EXOC5: variants seen among roughly 807,000 people sequenced by gnomAD.
EXOC5 encodes the protein SEC10-like 1.
EXOC5 carries 17 observed loss-of-function variants against 90.8 expected under a neutral mutation model. The ratio of observed to expected loss-of-function variants is 0.19; its 90% CI spans 0.13 to 0.28. The LOEUF (loss-of-function observed/expected upper bound fraction) is 0.28, where lower values mean the gene tolerates loss of function less well. Among genes scored for constraint, EXOC5 ranks in the 10% least tolerant of loss-of-function variants. EXOC5 has a pLI of 1.00. For missense variants in EXOC5, 569 were observed against 830.6 expected (o/e 0.69, Z 3.87); for synonymous variants, 260 against 270.0 (o/e 0.96, Z 0.36).
intron 1 of EXOC5, among the ~76,000 whole-genome samples, chr14:57,262,176 C>T (rs1453075533): frequency 1.3e-5 from 2 of 152,090 alleles, no homozygotes; most frequent in Non-Finnish European, 2.9e-5. Flanking sequence ...TGGCCAACAC[C>T]TAATTTTTTA....
In EXOC5 at chr14:57,201,512, A is replaced by G. The variant is rs1341991649; in HGVS notation, c.*7097T>C. 56 of 143,382 alleles carry G rather than the reference A, an allele frequency of 3.9e-4. 1 individual carries two copies. Among genetic ancestry groups the G allele is most frequent in the African/African-American group, 1.5e-3 (54 of 37,002 alleles). 8.9% of individuals were successfully genotyped at this position (143,382 alleles called of 1,614,324 possible). On this transcript the variant is annotated 3_prime_UTR_variant, in exon 18 of 18. Coordinates refer to ENST00000621441, the MANE Select transcript of EXOC5 (RefSeq NM_006544.4). ...AACACACGTGTATATACACACACATATGTATATATATACACACACACCACA... is the reference window on the plus strand; with the variant it reads ...AACACACGTGTATATACACACACATGTGTATATATATACACACACACCACA...
chr14:57,238,048 G>T (rs1267867832), intron 5 of EXOC5, among the ~76,000 whole-genome samples: 1 of 151,778 alleles, frequency 6.6e-6, no homozygotes, highest in East Asian at 1.9e-4. Flanking sequence ...GAAGAGAGAG[G>T]AGAGTGGCTG....
At chr14:57,266,342 C>T (rs578028671) in intron 1 of EXOC5, among the ~76,000 whole-genome samples, 5 of 152,180 alleles carry the variant, frequency 3.3e-5, no homozygotes, top group African/African-American at 1.2e-4. Context: ...TTTTTTTCCT[C>T]CTCCCTCCAA....
At chr14:57,244,992 C>T (rs183126568) in intron 3 of EXOC5, among the ~76,000 whole-genome samples, 3 of 138,998 alleles carry the variant, frequency 2.2e-5, no homozygotes, top group East Asian at 4.0e-4. Flanking sequence ...TAAAACTCTG[C>T]CTCAAAAAAA....
At chr14:57,233,505 C>T (rs904893643) in intron 9 of EXOC5, among the ~76,000 whole-genome samples, 1 of 152,008 alleles carries the variant, frequency 6.6e-6, no homozygotes, top group Non-Finnish European at 1.5e-5. Flanking sequence ...TATACTACTA[C>T]TACGAATACT....
chr14:57,263,866 T>C (rs1245800436), intron 1 of EXOC5, among the ~76,000 whole-genome samples: 1 of 151,844 alleles, frequency 6.6e-6, no homozygotes, highest in Non-Finnish European at 1.5e-5. Flanking sequence ...TCTTCTCAAC[T>C]GCCTCACCTT....
At chr14:57,268,575 C>T (rs1316913203) in intron 1 of EXOC5, 47 bp downstream of exon 1, 5 of 1,565,536 alleles carry the variant, frequency 3.2e-6, no homozygotes, top group Non-Finnish European at 4.3e-6. Flanking sequence ...ACCCAGCTGC[C>T]TGCAAACCCC....
In EXOC5 at chr14:57,209,749, G is replaced by C. The variant is rs565984758; in HGVS notation, c.1756C>G (p.Gln586Glu). Reference sequence around the variant, plus strand: ...ATGGAATTTTTAATCTTCTCCACTTGTTTTCTTACGTAAGCACAGACTTTT... The same window carrying C: ...ATGGAATTTTTAATCTTCTCCACTTCTTTTCTTACGTAAGCACAGACTTTT... ...CVKVCAYVRK[Q>E]VEKIKNSMDG... The change falls in exon 17 of 18, where the codon CAA (glutamine) becomes GAA (glutamate). Residue 586 changes from glutamine to glutamate, a missense_variant. Gln to Glu is a conservative substitution (Grantham distance 29, BLOSUM62 2). This residue lies in a region of EXOC5 where 122 missense variants were observed against 180.0 expected (regional missense o/e 0.68). Coordinates refer to ENST00000621441, the MANE Select transcript of EXOC5 (RefSeq NM_006544.4). 11 of 1,611,562 alleles carry C rather than the reference G, an allele frequency of 6.8e-6. No homozygotes were observed. In the African/African-American group the frequency reaches 1.2e-4, roughly 18 times the overall value.
intron 1 of EXOC5, among the ~76,000 whole-genome samples, chr14:57,253,677 C>CTA (rs1884260755): frequency 6.6e-6 from 1 of 151,972 alleles, no homozygotes; most frequent in South Asian, 2.1e-4. Context: ...AACAAGTGAA[C>CTA]AGAATAGAAA....
Position 57,234,105 on chromosome 14 carries a change from A to G in EXOC5, c.670-73T>C, listed in dbSNP as rs558640925. On this transcript the variant is annotated intron_variant, in intron 7 of 17. Coordinates refer to ENST00000621441, the MANE Select transcript of EXOC5 (RefSeq NM_006544.4). ...TTATTATTTCAAAAAAAGAAGTGTT[A>G]TATGTCATAAAGCTATGACTATTTA... is the stretch of plus-strand genomic sequence containing the variant. 33 of 1,166,050 alleles carry G rather than the reference A, an allele frequency of 2.8e-5. No homozygotes were observed. In the South Asian group the frequency reaches 3.2e-4, roughly 11 times the overall value. The allele number at this position is 1,166,050 out of a possible 1,614,324, so 72.2% of individuals were successfully genotyped here. A position where few individuals can be genotyped will look rare whatever the true frequency, so the allele number is the denominator to read the frequency against.
At chr14:57,231,448 T>C (rs978278040) in intron 11 of EXOC5, 58 bp downstream of exon 11, 6 of 1,181,140 alleles carry the variant, frequency 5.1e-6, no homozygotes, top group African/African-American at 1.5e-5. Context: ...TTTGCCCAAA[T>C]ATAATGAAGT....
Position 57,255,813 on chromosome 14 carries a change from C to A in EXOC5, c.28-8101G>T, listed in dbSNP as rs540092995. 4.7e-5 allele frequency among the ~76,000 whole-genome samples: 7 copies of A among 147,494 alleles called. No homozygotes were observed. The Admixed American group carries it at 4.8e-4, about 10-fold the overall frequency. ...CACCACTGTACTCCAGCCTGGGCGA[C>A]TGAGCAAGACTCCGTCTCCAAAAGC... On this transcript the variant is annotated intron_variant, in intron 1 of 17. Coordinates refer to ENST00000621441, the MANE Select transcript of EXOC5 (RefSeq NM_006544.4).
chr14:57,257,437 T>C lies in EXOC5; in HGVS notation c.28-9725A>G, dbSNP rs188300643. The stretch of plus-strand genomic sequence containing the variant: ...AAAATTTGAATCATCAACATATAGA[T>C]GGTTACTTAAGGACTGGTTGAGATC... On this transcript the variant is annotated intron_variant, in intron 1 of 17. Transcript: ENST00000621441. Among the ~76,000 whole-genome samples, 121 of 152,270 alleles carry C rather than the reference T, an allele frequency of 7.9e-4. 1 individual carries two copies. Among genetic ancestry groups the C allele is most frequent in the Admixed American group, 2.0e-3 (30 of 15,302 alleles).
At chr14:57,257,471 A>G (rs1166314768) in intron 1 of EXOC5, among the ~76,000 whole-genome samples, 2 of 152,160 alleles carry the variant, frequency 1.3e-5, no homozygotes, top group Non-Finnish European at 2.9e-5. Context: ...TCTACGAGGA[A>G]GAAAGGCATG....
intron 1 of EXOC5, among the ~76,000 whole-genome samples, chr14:57,267,687 TAG>T (rs1372998258): frequency 2.6e-5 from 4 of 152,222 alleles, no homozygotes; most frequent in Non-Finnish European, 5.9e-5. Flanking sequence ...GTAGCCTAAT[TAG>T]AGTTTTCCTA....
At chr14:57,258,241 T>C (rs897452681) in intron 1 of EXOC5, among the ~76,000 whole-genome samples, 4 of 152,148 alleles carry the variant, frequency 2.6e-5, no homozygotes, top group African/African-American at 7.2e-5. Flanking sequence ...TAAAGACACA[T>C]GCACACGTAC....
At chr14:57,259,436 T>C (rs1444223691) in intron 1 of EXOC5, among the ~76,000 whole-genome samples, 2 of 152,124 alleles carry the variant, frequency 1.3e-5, no homozygotes, top group Non-Finnish European at 2.9e-5. Flanking sequence ...AGGGTTCTTA[T>C]CTTGTACCAC....
chr14:57,248,603 T>C (rs1047347643), intron 1 of EXOC5, among the ~76,000 whole-genome samples: 19 of 151,992 alleles, frequency 1.3e-4, no homozygotes, highest in African/African-American at 4.3e-4. Context: ...CAACAGATAA[T>C]ACATTTTTTA....
chr14:57,215,468 T>C lies in EXOC5; in HGVS notation c.1613+2514A>G, dbSNP rs567158621. 5.9e-5 allele frequency among the ~76,000 whole-genome samples: 9 copies of C among 151,276 alleles called. No homozygotes were observed. In the South Asian group the frequency reaches 1.9e-3, roughly 31 times the overall value. ...AGCACACTGAAAGGATCATACACCATAACCAAACAGAGTTTATCCCTGAGA... is the reference window on the plus strand; with the variant it reads ...AGCACACTGAAAGGATCATACACCACAACCAAACAGAGTTTATCCCTGAGA... On this transcript the variant is annotated intron_variant, in intron 15 of 17. Coordinates refer to ENST00000621441, the MANE Select transcript of EXOC5 (RefSeq NM_006544.4).
Sources: allele counts gnomAD v4.1 joint callset (sites outside exome capture counted in the v4.1 genomes callset), GRCh38; gene constraint gnomAD v4.1.1; regional missense constraint gnomAD v4.1.1; transcripts MANE v1.5; gene names NCBI Gene and HGNC (gene_info 2026-07-23, HGNC 2026-07-21).